FN1: variants seen among roughly 807,000 people sequenced by gnomAD.
FN1 encodes fibronectin 1, also known as fibronectin.
A neutral mutation model predicts 297.3 loss-of-function variants in FN1; 106 were observed. The observed-to-expected ratio is 0.36, with a 90% CI of 0.30 to 0.42. The LOEUF is 0.42. Among genes scored for constraint, FN1 ranks in the 10% least tolerant of loss-of-function variants. FN1 has a pLI of 1.00. For missense variants in FN1, 2,690 were observed against 3,124.9 expected (o/e 0.86, Z 3.32); for synonymous variants, 1,149 against 1,152.6 (o/e 1.00, Z 0.06).
intron 30 of FN1, 28 bp downstream of exon 30, chr2:215,383,992 G>GGT: frequency 6.2e-7 from 1 of 1,610,360 alleles, no homozygotes; most frequent in South Asian, 1.1e-5. Context: ...AGTAAAAGCT[G>GGT]GTGTCACCCC....
At chr2:215,411,700 CTT>C (rs1413960468) in intron 13 of FN1, among the ~76,000 whole-genome samples, 2 of 136,598 alleles carry the variant, frequency 1.5e-5, no homozygotes, top group African/African-American at 5.4e-5. Context: ...GAGTTTCGCT[CTT>C]GTTGCCCAGG....
At chr2:215,370,838 C>G (rs891339577) in intron 40 of FN1, among the ~76,000 whole-genome samples, 2 of 152,224 alleles carry the variant, frequency 1.3e-5, no homozygotes, top group East Asian at 3.8e-4. Flanking sequence ...CAGGTGACAT[C>G]TGACCCCAGT....
At chr2:215,385,052 G>T in intron 28 of FN1, 76 bp from the exon 29 acceptor site, 1 of 1,022,064 alleles carries the variant, frequency 9.8e-7, no homozygotes, top group Non-Finnish European at 1.5e-6. Context: ...TCATTTTCCA[G>T]ATAATTGTCT....
At chr2:215,419,509 C>T in intron 11 of FN1, 124 bp from the exon 12 acceptor site, 1 of 824,632 alleles carries the variant, frequency 1.2e-6, no homozygotes, top group Non-Finnish European at 2.0e-6. Flanking sequence ...CAAATATATG[C>T]AGTTAAAAAA....
chr2:215,405,226 T>C (rs1190723456), intron 19 of FN1, among the ~76,000 whole-genome samples: 1 of 152,246 alleles, frequency 6.6e-6, no homozygotes. Flanking sequence ...ACATAAGTTG[T>C]GGAGTTTATT....
chr2:215,394,622 A>G lies in FN1; in HGVS notation c.3702T>C (p.Phe1234=), dbSNP rs760241240. Residue 1234 remains phenylalanine, a synonymous_variant, in exon 24 of 46, where the codon TTT becomes TTC. Transcript: ENST00000354785. ...VVHADQSSCT[F]DNLSPGLEYN... ...ACTCCAGGCCGGGACTCAGGTTATC[A>G]AAAGTGCAGGAGCTCTGATCAGCAT... The G allele has an allele frequency of 1.9e-6, 3 of 1,614,158 alleles. No individual in the cohort carries two copies. Among genetic ancestry groups the G allele is most frequent in the Non-Finnish European group, 2.5e-6 (3 of 1,180,002 alleles).
At chr2:215,422,467 G>A (rs1388193191) in intron 9 of FN1, among the ~76,000 whole-genome samples, 2 of 152,164 alleles carry the variant, frequency 1.3e-5, no homozygotes, top group Non-Finnish European at 2.9e-5. Context: ...ATAGTTACAG[G>A]AAGGGTTAGG....
intron 20 of FN1, among the ~76,000 whole-genome samples, chr2:215,402,039 A>ATTTT (rs1203731270): frequency 6.6e-6 from 1 of 152,180 alleles, no homozygotes; most frequent in Non-Finnish European, 1.5e-5. Flanking sequence ...CCAAAATGCC[A>ATTTT]TGGCCAGCCC....
rs182679115 is a variant in FN1, at chr2:215,390,169, C to T, written c.4252+1463G>A. On this transcript the variant is annotated intron_variant, in intron 26 of 45. Transcript: ENST00000354785. ...TTTACTTAACTGCTGGGGACCTCGA[C>T]GGCTTCATGTTTATTTGTTTGTTTA... is the stretch of plus-strand genomic sequence containing the variant. Among the ~76,000 whole-genome samples the T allele has an allele frequency of 1.3e-4, 20 of 151,626 alleles. 1 individual carries two copies. The East Asian group carries it at 3.5e-3, about 26-fold the overall frequency.
chr2:215,398,173 C>G (rs899780310), intron 21 of FN1, among the ~76,000 whole-genome samples: 6 of 152,196 alleles, frequency 3.9e-5, no homozygotes, highest in African/African-American at 1.4e-4. Context: ...TAGTTCATTT[C>G]TATTTTTCTG....
At chr2:215,422,496 A>G (rs1000933221) in intron 9 of FN1, among the ~76,000 whole-genome samples, 5 of 152,154 alleles carry the variant, frequency 3.3e-5, no homozygotes. Context: ...AACTAAGATA[A>G]TATCTACACA....
At chr2:215,363,010 C>G (rs2053807309) in intron 44 of FN1, 1 of 152,116 alleles carries the variant, frequency 6.6e-6, no homozygotes, top group Non-Finnish European at 1.5e-5. Context: ...TAAAATGCAG[C>G]CCTAAATAAT....
chr2:215,384,464 G>A, intron 29 of FN1: 1 of 483,094 alleles, frequency 2.1e-6, no homozygotes. Flanking sequence ...GAGAAGGTAA[G>A]CCCTCAACCC....
intron 19 of FN1, 21 bp from the exon 20 acceptor site, chr2:215,404,676 T>C (rs765972552): frequency 6.2e-7 from 1 of 1,608,116 alleles, no homozygotes; most frequent in African/African-American, 1.3e-5. Flanking sequence ...AGATGAAACA[T>C]GCCAAGAAAT....
chr2:215,372,073 C>G lies in FN1; in HGVS notation c.6550G>C (p.Asp2184His). ...EIQIGHIPRE[D>H]VDYHLYPHGP... ...TGTGGGTACAGGTGATAGTCTACATCTTCCCTGGGGATGTGACCAATTTGG... is the reference window on the plus strand; with the variant it reads ...TGTGGGTACAGGTGATAGTCTACATGTTCCCTGGGGATGTGACCAATTTGG... The change falls in exon 40 of 46, where the codon GAT becomes CAT. Residue 2184 changes from aspartate (D) to histidine (H), a missense_variant. Physicochemically the swap from Asp to His is moderately conservative, Grantham distance 81 (BLOSUM62 -1). Transcript: ENST00000354785. 4 of 1,614,230 alleles carry G rather than the reference C, an allele frequency of 2.5e-6. No individual in the cohort carries two copies. Among genetic ancestry groups the G allele is most frequent in the Non-Finnish European group, 3.4e-6 (4 of 1,180,046 alleles).
At chr2:215,365,273 A>C (rs2054299851) in intron 43 of FN1, among the ~76,000 whole-genome samples, 1 of 152,218 alleles carries the variant, frequency 6.6e-6, no homozygotes, top group Admixed American at 6.5e-5. Flanking sequence ...ACTGCAGATA[A>C]TGGTCAAAAT....
At chr2:215,380,703 CT>C in intron 33 of FN1, 107 bp downstream of exon 33, 1 of 1,288,832 alleles carries the variant, frequency 7.8e-7, no homozygotes, top group Non-Finnish European at 1.1e-6. Context: ...CCTAATAATT[CT>C]TTTTCACCCT....
chr2:215,365,083 T>C, intron 43 of FN1, 98 bp from the exon 44 acceptor site: 1 of 784,508 alleles, frequency 1.3e-6, no homozygotes, highest in Non-Finnish European at 2.2e-6. Flanking sequence ...ATTTGTATCA[T>C]CACAGCGCAA....
chr2:215,430,569 G>A, intron 5 of FN1, 146 bp downstream of exon 5: 1 of 824,946 alleles, frequency 1.2e-6, no homozygotes, highest in Non-Finnish European at 2.0e-6. Flanking sequence ...GAATAAGTTG[G>A]TTATGAAAGT....
Sources: allele counts gnomAD v4.1 joint callset (sites outside exome capture counted in the v4.1 genomes callset), GRCh38; gene constraint gnomAD v4.1.1; transcripts MANE v1.5; gene names NCBI Gene and HGNC (gene_info 2026-07-23, HGNC 2026-07-21).